Variants in EPM2A observed in about 807,000 individuals in gnomAD.
The protein encoded by EPM2A is EPM2A glucan phosphatase, laforin.
A neutral mutation model predicts 26.5 loss-of-function variants in EPM2A; 21 were observed. The ratio of observed to expected loss-of-function variants is 0.79; its 90% CI spans 0.56 to 1.14. The LOEUF (loss-of-function observed/expected upper bound fraction) is 1.14. EPM2A is among the 50% of genes most tolerant of loss of function. EPM2A has a pLI of 0.00. For synonymous variants in EPM2A, 217 were observed against 177.6 expected, an observed-to-expected ratio of 1.22 and a Z score of -1.76; for missense variants, 458 against 440.8, an observed-to-expected ratio of 1.04 and a Z score of -0.35.
chr6:145,456,384 A>G (rs1779262911), intron 4 of EPM2A, among the ~76,000 whole-genome samples: 1 of 152,214 alleles, frequency 6.6e-6, no homozygotes, highest in African/African-American at 2.4e-5. Context: ...AAAAAGACTA[A>G]TCTACAGTTG....
chr6:145,498,301 G>A (rs947291658), downstream of EPM2A, among the ~76,000 whole-genome samples: 1 of 152,212 alleles, frequency 6.6e-6, no homozygotes, highest in African/African-American at 2.4e-5. Flanking sequence ...CCATGGAAGT[G>A]GGGCCCTCAG....
At chr6:145,722,065 T>C (rs572349487) in intron 1 of EPM2A, among the ~76,000 whole-genome samples, 21 of 152,326 alleles carry the variant, frequency 1.4e-4, no homozygotes, top group African/African-American at 4.8e-4. Flanking sequence ...TCATTAACCC[T>C]GGTAAATGAT....
intron 2 of EPM2A, among the ~76,000 whole-genome samples, chr6:145,523,532 T>C (rs1190226670): frequency 6.6e-6 from 1 of 152,186 alleles, no homozygotes; most frequent in Non-Finnish European, 1.5e-5. Context: ...TTGATGTTAA[T>C]ATTTTAATTG....
intron 4 of EPM2A, among the ~76,000 whole-genome samples, chr6:145,493,485 C>T (rs2114743642): frequency 6.6e-6 from 1 of 152,262 alleles, no homozygotes; most frequent in Non-Finnish European, 1.5e-5. Flanking sequence ...TTATTTCTTT[C>T]TCTTGATTGA....
intron 1 of EPM2A, among the ~76,000 whole-genome samples, chr6:145,716,585 G>A (rs1775637027): frequency 6.6e-6 from 1 of 152,064 alleles, no homozygotes; most frequent in Admixed American, 6.5e-5. Context: ...CCCCTATCCT[G>A]GAGTGGCCGC....
rs1398721266 is a variant in EPM2A at position 145,735,210 on chromosome 6, G to C, written c.289C>G (p.Leu97Val). The change falls in exon 1 of 4, where the codon CTC (leucine) becomes GTC (valine). Residue 97 changes from leucine (L) to valine (V), a missense_variant. Transcript: ENST00000367519. Reference protein sequence around the residue: ...KFLKREPGGELSWEGNGPHHD... With the variant: ...KFLKREPGGEVSWEGNGPHHD... ...CTGCTGGCAATACCTTCCCAGGAGA[G>C]CTCTCCTCCCGGCTCCCGCTTCAGG... 2.5e-5 allele frequency: 38 copies of C among 1,526,796 alleles called. No homozygotes were observed. Among genetic ancestry groups the C allele is most frequent in the Non-Finnish European group, 3.3e-5 (38 of 1,134,704 alleles). The allele number at this position is 1,526,796 out of a possible 1,614,324, so 94.6% of individuals were successfully genotyped here. A position where few individuals can be genotyped will look rare whatever the true frequency, so the allele number is the denominator to read the frequency against.
At chr6:145,603,983 G>C (rs1012477495) in intron 2 of EPM2A, among the ~76,000 whole-genome samples, 6 of 152,096 alleles carry the variant, frequency 3.9e-5, no homozygotes, top group African/African-American at 1.4e-4. Flanking sequence ...ATCTCAAAAT[G>C]CTAACAATAT....
chr6:145,688,001 C>T (rs117128711), intron 1 of EPM2A, among the ~76,000 whole-genome samples: 3,091 of 152,080 alleles, frequency 0.02, 54 homozygotes, highest in Middle Eastern at 0.034. Context: ...GAGATACATG[C>T]GTACAGTAAT....
At chr6:145,583,097 C>T (rs1042948250) in intron 2 of EPM2A, among the ~76,000 whole-genome samples, 2 of 152,174 alleles carry the variant, frequency 1.3e-5, no homozygotes, top group Non-Finnish European at 2.9e-5. Context: ...TGGATTTCAA[C>T]TTTCACCTAA....
chr6:145,542,158 T>C (rs998486207), intron 2 of EPM2A, among the ~76,000 whole-genome samples: 1 of 152,236 alleles, frequency 6.6e-6, no homozygotes, highest in African/African-American at 2.4e-5. Flanking sequence ...AGCTTCTGAA[T>C]ATTTCTTCAC....
At chr6:145,718,853 C>G (rs1361531422) in intron 1 of EPM2A, among the ~76,000 whole-genome samples, 1 of 152,092 alleles carries the variant, frequency 6.6e-6, no homozygotes, top group East Asian at 1.9e-4. Context: ...ATTTATGCAG[C>G]CAAAAAACAC....
chr6:145,571,176 A>G (rs1780949972), intron 2 of EPM2A, among the ~76,000 whole-genome samples: 1 of 130,456 alleles, frequency 7.7e-6, no homozygotes, highest in African/African-American at 2.7e-5. Flanking sequence ...AATCCTGGCT[A>G]TGGGAGAAAC....
chr6:145,384,741 A>G (rs1443505812), intron 4 of EPM2A, among the ~76,000 whole-genome samples: 2 of 147,658 alleles, frequency 1.4e-5, no homozygotes, highest in Non-Finnish European at 3.0e-5. Context: ...CTGGATCCTG[A>G]ATATGCATGT....
chr6:145,691,138 C>A (rs1272264506), intron 1 of EPM2A, among the ~76,000 whole-genome samples: 1 of 151,822 alleles, frequency 6.6e-6, no homozygotes, highest in Non-Finnish European at 1.5e-5. Flanking sequence ...AGAGGCAAAA[C>A]CTACAAATTC....
At chr6:145,596,221 T>A (rs1781341944) in intron 2 of EPM2A, among the ~76,000 whole-genome samples, 1 of 152,232 alleles carries the variant, frequency 6.6e-6, no homozygotes, top group African/African-American at 2.4e-5. Context: ...GATTTCCTGA[T>A]GAAATATGTT....
At chr6:145,565,041 C>T (rs895571283) in intron 2 of EPM2A, among the ~76,000 whole-genome samples, 4 of 152,174 alleles carry the variant, frequency 2.6e-5, no homozygotes, top group African/African-American at 9.7e-5. Flanking sequence ...CTGTACAGCT[C>T]ATGGGTGACT....
chr6:145,396,010 G>T lies in EPM2A; in HGVS notation c.556-11913C>A, dbSNP rs1778400801. 2.0e-5 allele frequency among the ~76,000 whole-genome samples: 3 copies of T among 152,166 alleles called. No individual in the cohort carries two copies. The South Asian group carries it at 6.2e-4, about 31-fold the overall frequency. ...TATACACACAGCAGACATGCCTTCA[G>T]AGTTGCCTGTGATTTCAGCAAGATC... On this transcript the variant is annotated intron_variant, in intron 4 of 4. Transcript: ENST00000638717.
At chr6:145,653,248 C>T (rs919757156) in intron 2 of EPM2A, among the ~76,000 whole-genome samples, 6 of 152,138 alleles carry the variant, frequency 3.9e-5, no homozygotes, top group African/African-American at 1.4e-4. Flanking sequence ...CGGGTTTCCC[C>T]CATGCTGTTC....
At chr6:145,574,099 C>T (rs554170814) in intron 2 of EPM2A, among the ~76,000 whole-genome samples, 17 of 152,238 alleles carry the variant, frequency 1.1e-4, no homozygotes, top group African/African-American at 3.6e-4. Context: ...GGGGATCCAG[C>T]CTCCCCTTCA....
Sources: gnomAD v4.1 joint callset for allele counts (sites outside exome capture counted in the v4.1 genomes callset) on GRCh38, gnomAD v4.1.1 for gene constraint, MANE v1.5 for transcripts, NCBI Gene and HGNC (gene_info 2026-07-23, HGNC 2026-07-21) for gene names.